REV3L: variants seen among roughly 807,000 people sequenced by gnomAD.
REV3L encodes REV3 like, DNA directed polymerase zeta catalytic subunit.
REV3L carries 69 observed loss-of-function variants against 299.4 expected under a neutral mutation model. That is an observed-to-expected ratio of 0.23 (90% confidence interval 0.19 to 0.28). REV3L has a LOEUF of 0.28. REV3L is among the 10% of genes least tolerant of loss of function. REV3L has a pLI of 1.00. For missense variants in REV3L, 3,128 were observed against 3,693.8 expected (o/e 0.85, Z 3.97); for synonymous variants, 1,238 against 1,271.4 (o/e 0.97, Z 0.56).
chr6:111,473,058 T>C (rs1792444752), intron 1 of REV3L, among the ~76,000 whole-genome samples: 1 of 152,206 alleles, frequency 6.6e-6, no homozygotes, highest in African/African-American at 2.4e-5. Context: ...ATCACTATGA[T>C]GTTAAAATGG....
intron 1 of REV3L, among the ~76,000 whole-genome samples, chr6:111,463,649 T>C (rs1278393618): frequency 1.3e-5 from 2 of 152,238 alleles, no homozygotes; most frequent in East Asian, 1.9e-4. Context: ...ACTTTGTTGA[T>C]AGGTTCTTGG....
chr6:111,416,483 A>T lies in REV3L; in HGVS notation c.140-11T>A. ...GACATGTCTTCTGACCTAAAATGTA[A>T]CACATTATAAAGTTTAGTTTCCAGA... On this transcript the variant is annotated splice_polypyrimidine_tract_variant and intron_variant, in intron 1 of 31. Transcript: ENST00000368802. 6.3e-7 allele frequency: 1 copy of T among 1,595,890 alleles called. No individual in the cohort carries two copies. Among genetic ancestry groups the T allele is most frequent in the Non-Finnish European group, 8.6e-7 (1 of 1,166,162 alleles).
chr6:111,440,100 CTT>C (rs1278993529), intron 1 of REV3L, among the ~76,000 whole-genome samples: 1 of 151,788 alleles, frequency 6.6e-6, no homozygotes, highest in Non-Finnish European at 1.5e-5. Flanking sequence ...GAGTTTCGCT[CTT>C]GTTGCCCAGG....
intron 13 of REV3L, among the ~76,000 whole-genome samples, chr6:111,370,159 C>G (rs1244513077): frequency 1.3e-5 from 2 of 152,084 alleles, no homozygotes; most frequent in East Asian, 3.9e-4. Context: ...AAATATTTTT[C>G]AAAAATGATT....
At chr6:111,418,193 T>C (rs1784961626) in intron 1 of REV3L, among the ~76,000 whole-genome samples, 1 of 152,188 alleles carries the variant, frequency 6.6e-6, no homozygotes, top group South Asian at 2.1e-4. Context: ...TATTTCCTCT[T>C]AAGTTGACAA....
chr6:111,465,745 CAAAAAAAA>C (rs376561912), intron 1 of REV3L, among the ~76,000 whole-genome samples: 4 of 76,852 alleles, frequency 5.2e-5, no homozygotes, highest in East Asian at 5.2e-4. Flanking sequence ...AAACAAAAAC[CAAAAAAAA>C]AAAAAAAAAA....
At chr6:111,472,650 C>G (rs1792379301) in intron 1 of REV3L, among the ~76,000 whole-genome samples, 1 of 151,620 alleles carries the variant, frequency 6.6e-6, no homozygotes, top group Admixed American at 6.6e-5. Flanking sequence ...CTTTGCTAGG[C>G]TTGTATTCAA....
In REV3L at chr6:111,422,657, T is replaced by C. The variant is rs1442721045; in HGVS notation, c.140-6185A>G. 1.2e-4 allele frequency among the ~76,000 whole-genome samples: 5 copies of C among 40,234 alleles called. 1 individual carries two copies. The highest frequency in any genetic ancestry group is 2.4e-4 in the Non-Finnish European group (3 of 12,698). The allele number at this position is 40,234 out of a possible 152,430, so 26.4% of individuals were successfully genotyped here. A position where few individuals can be genotyped will look rare whatever the true frequency, so the allele number is the denominator to read the frequency against. On this transcript the variant is annotated intron_variant, in intron 1 of 31. Coordinates refer to ENST00000368802, the MANE Select transcript of REV3L (RefSeq NM_001372078.1). Reference sequence around the variant, plus strand: ...ACATATATATATATATACATATATATATATACATATATATATATATACGTA... The same window carrying C: ...ACATATATATATATATACATATATACATATACATATATATATATATACGTA...
chr6:111,483,292 G>A (rs1794004587), upstream of REV3L: 1 of 488,122 alleles, frequency 2.0e-6, no homozygotes, highest in Non-Finnish European at 3.6e-6. Flanking sequence ...GCGGGGGAGG[G>A]GGCTCGGCGG....
intron 5 of REV3L, among the ~76,000 whole-genome samples, chr6:111,390,962 C>T (rs1290502062): frequency 6.6e-6 from 1 of 151,814 alleles, no homozygotes; most frequent in Non-Finnish European, 1.5e-5. Flanking sequence ...AAAATTTAGG[C>T]CTTGTACAAA....
chr6:111,458,500 T>C (rs778226401), intron 1 of REV3L, among the ~76,000 whole-genome samples: 1 of 152,156 alleles, frequency 6.6e-6, no homozygotes, highest in Non-Finnish European at 1.5e-5. Flanking sequence ...ACTATCTTTC[T>C]TTGCTAATGG....
chr6:111,315,300 G>T lies in REV3L; in HGVS notation c.8433C>A (p.Thr2811=). Residue 2811 remains threonine (T), a synonymous_variant, in exon 27 of 32, where the codon ACC becomes ACA. Transcript: ENST00000368802. ...GQEIAEAVTA[T]NPKPVKLKFE... is the part of the protein sequence containing the mutation. The stretch of plus-strand genomic sequence containing the variant: ...ACTTCAATTTCACTGGTTTAGGATT[G>T]GTAGCAGTTACAGCTTCGGCAATTT... 1 of 1,613,958 alleles carries T rather than the reference G, an allele frequency of 6.2e-7. No individual in the cohort carries two copies. The highest frequency in any genetic ancestry group is 8.5e-7 in the Non-Finnish European group (1 of 1,179,956).
chr6:111,341,315 T>C lies in REV3L; in HGVS notation c.7538+2610A>G, dbSNP rs190063611. 3.5e-3 allele frequency among the ~76,000 whole-genome samples: 530 copies of C among 152,310 alleles called. 3 individuals are homozygous for C. Among genetic ancestry groups the C allele is most frequent in the African/African-American group, 0.012 (512 of 41,576 alleles). On this transcript the variant is annotated intron_variant, in intron 21 of 31. Transcript: ENST00000368802. ...CGCCCGCCTCGGCATTCCAAAGCACTGAAATTACAGGCGTGAGCCACTGCA... is the reference window on the plus strand; with the variant it reads ...CGCCCGCCTCGGCATTCCAAAGCACCGAAATTACAGGCGTGAGCCACTGCA...
intron 1 of REV3L, among the ~76,000 whole-genome samples, chr6:111,482,231 T>C (rs1793796464): frequency 6.6e-6 from 1 of 152,136 alleles, no homozygotes; most frequent in Admixed American, 6.5e-5. Context: ...GCCCACTGCA[T>C]CTCCGGAACT....
chr6:111,365,240 C>T (rs756458206), intron 15 of REV3L, 25 bp downstream of exon 15: 2 of 1,318,776 alleles, frequency 1.5e-6, no homozygotes, highest in South Asian at 1.5e-5. Context: ...TTCCACTGAT[C>T]TTTAAAAATG....
At chr6:111,431,415 G>C in intron 1 of REV3L, 1 of 1,004,834 alleles carries the variant, frequency 1.0e-6, no homozygotes, top group Non-Finnish European at 1.6e-6. Flanking sequence ...TGGCGTTCCG[G>C]TTAAAGTTTT....
intron 14 of REV3L, among the ~76,000 whole-genome samples, 180 bp downstream of exon 14, chr6:111,366,935 T>C (rs1779285973): frequency 6.6e-6 from 1 of 152,156 alleles, no homozygotes; most frequent in African/African-American, 2.4e-5. Flanking sequence ...GAAGCAAATA[T>C]AAGTAGATTT....
At chr6:111,410,645 G>A (rs1447272553) in intron 3 of REV3L, among the ~76,000 whole-genome samples, 1 of 152,132 alleles carries the variant, frequency 6.6e-6, no homozygotes, top group African/African-American at 2.4e-5. Flanking sequence ...CAGTTACAAG[G>A]GAATAACCAT....
At chr6:111,379,058 T>G (rs1780578240) in intron 11 of REV3L, among the ~76,000 whole-genome samples, 1 of 152,206 alleles carries the variant, frequency 6.6e-6, no homozygotes, top group Non-Finnish European at 1.5e-5. Context: ...TTAGGTTTGT[T>G]TTCCCAAGGT....
Sources: gnomAD v4.1 joint callset for allele counts (sites outside exome capture counted in the v4.1 genomes callset) on GRCh38, gnomAD v4.1.1 for gene constraint, MANE v1.5 for transcripts, NCBI Gene and HGNC (gene_info 2026-07-23, HGNC 2026-07-21) for gene names.